Variants in QSOX1 observed in about 807,000 individuals in gnomAD.
The protein encoded by QSOX1 is quiescin sulfhydryl oxidase 1.
Under a neutral mutation model 76.1 loss-of-function variants are expected in QSOX1, and 40 were observed. The observed-to-expected ratio is 0.53, with a 90% CI of 0.41 to 0.68. The LOEUF (loss-of-function observed/expected upper bound fraction) is 0.68, where lower values mean the gene tolerates loss of function less well. Among genes scored for constraint, QSOX1 ranks in the 30% least tolerant of loss-of-function variants. The pLI, the probability that QSOX1 is intolerant of heterozygous loss-of-function variation, is 0.00. For synonymous variants in QSOX1, 392 were observed against 413.1 expected, an observed-to-expected ratio of 0.95 and a Z score of 0.62; for missense variants, 931 against 974.3, an observed-to-expected ratio of 0.96 and a Z score of 0.59.
intron 8 of QSOX1, among the ~76,000 whole-genome samples, chr1:180,189,290 C>A (rs965688164): frequency 6.6e-6 from 1 of 152,048 alleles, no homozygotes; most frequent in Non-Finnish European, 1.5e-5. Context: ...CTTCCAGGAC[C>A]CCACCCCATT....
intron 7 of QSOX1, 113 bp from the exon 8 acceptor site, chr1:180,185,938 CTG>C (rs983211084): frequency 1.7e-5 from 22 of 1,291,986 alleles, no homozygotes; most frequent in Admixed American, 1.7e-5. Flanking sequence ...TTACAAGACT[CTG>C]TGACCATCAG....
intron 10 of QSOX1, among the ~76,000 whole-genome samples, chr1:180,191,106 G>A (rs890832385): frequency 6.6e-6 from 1 of 152,164 alleles, no homozygotes; most frequent in Non-Finnish European, 1.5e-5. Context: ...CTCCGGCCAC[G>A]CTGCCCCACA....
intron 8 of QSOX1, 118 bp from the exon 9 acceptor site, chr1:180,189,434 C>T: frequency 5.2e-6 from 2 of 382,684 alleles, no homozygotes; most frequent in Non-Finnish European, 9.7e-6. Flanking sequence ...AACCTCCTCC[C>T]CACTGCCCCC....
chr1:180,178,550 A>G (rs540116618), intron 4 of QSOX1, among the ~76,000 whole-genome samples: 2 of 152,360 alleles, frequency 1.3e-5, no homozygotes, highest in Non-Finnish European at 2.9e-5. Flanking sequence ...TTAAAAAGAG[A>G]CAGGAAGCAA....
intron 6 of QSOX1, among the ~76,000 whole-genome samples, chr1:180,182,568 TG>T (rs1245217020): frequency 6.6e-6 from 1 of 152,096 alleles, no homozygotes; most frequent in Non-Finnish European, 1.5e-5. Context: ...CAGTGTCGCC[TG>T]CACCCTCATT....
intron 11 of QSOX1, among the ~76,000 whole-genome samples, chr1:180,195,565 C>A (rs1663452213): frequency 6.6e-6 from 1 of 152,126 alleles, no homozygotes. Flanking sequence ...CGTGGCTCAC[C>A]CTCTGGGACT....
intron 2 of QSOX1, among the ~76,000 whole-genome samples, chr1:180,172,992 G>A (rs1371510345): frequency 6.6e-6 from 1 of 152,230 alleles, no homozygotes; most frequent in Admixed American, 6.5e-5. Flanking sequence ...CATGATGTCA[G>A]TGTTGTTCTC....
intron 10 of QSOX1, among the ~76,000 whole-genome samples, chr1:180,191,195 G>C (rs900609320): frequency 6.6e-6 from 1 of 152,184 alleles, no homozygotes; most frequent in African/African-American, 2.4e-5. Context: ...CCAGGCTGCG[G>C]CTTGGCTTGG....
chr1:180,176,478 G>C (rs140608855), intron 4 of QSOX1, among the ~76,000 whole-genome samples: 1 of 152,314 alleles, frequency 6.6e-6, no homozygotes, highest in Middle Eastern at 3.4e-3. Context: ...AGGGAAATTG[G>C]GGGGAGGTGG....
intron 1 of QSOX1, among the ~76,000 whole-genome samples, chr1:180,155,896 C>T (rs1471433695): frequency 2.0e-5 from 3 of 152,156 alleles, no homozygotes; most frequent in Non-Finnish European, 4.4e-5. Flanking sequence ...TTGGCTCTTG[C>T]TCCATGTTCC....
intron 11 of QSOX1, among the ~76,000 whole-genome samples, chr1:180,195,839 A>G (rs894851797): frequency 1.3e-5 from 2 of 152,232 alleles, no homozygotes; most frequent in African/African-American, 4.8e-5. Context: ...AGAAAAATGC[A>G]AAAAAAGACA....
chr1:180,192,706 C>T (rs992507014), intron 10 of QSOX1, among the ~76,000 whole-genome samples: 9 of 152,032 alleles, frequency 5.9e-5, no homozygotes, highest in East Asian at 1.9e-4. Context: ...ATCAATGGCC[C>T]GCTTTGTGTC....
chr1:180,195,010 C>A (rs1663431995), intron 11 of QSOX1, among the ~76,000 whole-genome samples: 1 of 150,114 alleles, frequency 6.7e-6, no homozygotes, highest in Non-Finnish European at 1.5e-5. Flanking sequence ...GGGGGGAGAC[C>A]AGGGCGGAGC....
rs963691730 is a variant in QSOX1 at position 180,201,091 on chromosome 1, C to T, written c.*4054C>T. On this transcript the variant is annotated 3_prime_UTR_variant, in exon 12 of 12. Transcript: ENST00000367602. The stretch of plus-strand genomic sequence containing the variant: ...AGGTTCGTTGGGCGTGACCTTGGCT[C>T]AGCTCGTCTGTGAAATTGGGGCCGC... 7.9e-5 allele frequency: 12 copies of T among 152,192 alleles called. No homozygotes were observed. Among genetic ancestry groups the T allele is most frequent in the Admixed American group, 7.9e-4 (12 of 15,282 alleles). The allele number at this position is 152,192 out of a possible 1,614,324, so 9.4% of individuals were successfully genotyped here.
rs1281910796 is a variant in QSOX1, at chr1:180,197,380, G to C, written c.*343G>C. Reference sequence around the variant, plus strand: ...TCTCACTGGAGCCTCAGTCTCTCCTGCTTGGTCTTGGCCCTCAACTGGGGC... The same window carrying C: ...TCTCACTGGAGCCTCAGTCTCTCCTCCTTGGTCTTGGCCCTCAACTGGGGC... On this transcript the variant is annotated 3_prime_UTR_variant, in exon 12 of 12. Transcript: ENST00000367602. The C allele has an allele frequency of 6.2e-7, 1 of 1,613,576 alleles. No individual in the cohort carries two copies. Among genetic ancestry groups the C allele is most frequent in the Admixed American group, 1.7e-5 (1 of 59,986 alleles).
intron 1 of QSOX1, among the ~76,000 whole-genome samples, chr1:180,156,248 G>A (rs1485104444): frequency 6.6e-6 from 1 of 152,148 alleles, no homozygotes; most frequent in Non-Finnish European, 1.5e-5. Context: ...CCAGGTAGTG[G>A]GTATTTGGCG....
At position 180,179,945 on chromosome 1, in the gene QSOX1, A is replaced by G. The variant is rs183292122; in HGVS notation, c.606+1061A>G. Among the ~76,000 whole-genome samples the G allele has an allele frequency of 8.5e-5, 13 of 152,256 alleles. No individual in the cohort carries two copies. The East Asian group carries it at 2.3e-3, about 27-fold the overall frequency. ...TGTTATGTAGAGGTGATAAATGGTG[A>G]TTGGAATCAGGTCTTTTCCCTCCCC... On this transcript the variant is annotated intron_variant, in intron 5 of 11. Coordinates refer to ENST00000367602, the MANE Select transcript of QSOX1 (RefSeq NM_002826.5).
intron 1 of QSOX1, among the ~76,000 whole-genome samples, chr1:180,161,372 A>C (rs573064028): frequency 2.0e-5 from 3 of 152,314 alleles, no homozygotes; most frequent in African/African-American, 7.2e-5. Context: ...TAGGAAGTCA[A>C]CCCAAGCCCA....
In QSOX1 at chr1:180,154,906, G is replaced by A; in HGVS notation, c.-2G>A. Reference sequence around the variant, plus strand: ...CGTGTGGTGGTGAGCGCAGCGCCGAGGATGAGGAGGTGCAACAGCGGCTCC... The same window carrying A: ...CGTGTGGTGGTGAGCGCAGCGCCGAAGATGAGGAGGTGCAACAGCGGCTCC... On this transcript the variant is annotated 5_prime_UTR_variant, in exon 1 of 12. Transcript: ENST00000367602. 3 of 1,443,844 alleles carry A rather than the reference G, an allele frequency of 2.1e-6. No individual in the cohort carries two copies. Among genetic ancestry groups the A allele is most frequent in the Non-Finnish European group, 2.7e-6 (3 of 1,106,662 alleles). 89.4% of individuals were successfully genotyped at this position (1,443,844 alleles called of 1,614,324 possible). A position where few individuals can be genotyped will look rare whatever the true frequency, so the allele number is the denominator to read the frequency against.
Sources: allele counts gnomAD v4.1 joint callset (sites outside exome capture counted in the v4.1 genomes callset), GRCh38; gene constraint gnomAD v4.1.1; transcripts MANE v1.5; gene names NCBI Gene and HGNC (gene_info 2026-07-23, HGNC 2026-07-21).